The following EPC2 variants were observed in gnomAD, a reference collection of about 807,000 sequenced individuals.
The protein encoded by EPC2 is enhancer of polycomb 2, also known as enhancer of polycomb homolog 2.
EPC2 carries 14 observed loss-of-function variants against 92.1 expected under a neutral mutation model. The ratio of observed to expected loss-of-function variants is 0.15; its 90% CI spans 0.10 to 0.24. The LOEUF (loss-of-function observed/expected upper bound fraction) is 0.24. Among genes scored for constraint, EPC2 ranks in the 10% least tolerant of loss-of-function variants. EPC2 has a pLI of 1.00. For missense variants in EPC2, 755 were observed against 971.5 expected, an observed-to-expected ratio of 0.78 and a Z score of 2.96; for synonymous variants, 340 against 334.7, an observed-to-expected ratio of 1.02 and a Z score of -0.17.
At chr2:148,734,709 A>G (rs1024990753) in intron 2 of EPC2, among the ~76,000 whole-genome samples, 1 of 152,186 alleles carries the variant, frequency 6.6e-6, no homozygotes, top group Middle Eastern at 3.4e-3. Flanking sequence ...TTTTATAGCA[A>G]CTAATCTGTT....
chr2:148,690,444 T>A, intron 2 of EPC2, 71 bp downstream of exon 2: 1 of 1,384,522 alleles, frequency 7.2e-7, no homozygotes, highest in Non-Finnish European at 9.7e-7. Context: ...TTTTCTTTTG[T>A]CTAAAGAAAT....
At chr2:148,775,464 GATTA>G (rs1412488290) in intron 10 of EPC2, among the ~76,000 whole-genome samples, 7 of 152,056 alleles carry the variant, frequency 4.6e-5, no homozygotes, top group African/African-American at 1.7e-4. Flanking sequence ...TGAAAGGACA[GATTA>G]ATTTACATTT....
chr2:148,695,513 C>T (rs1193566374), intron 2 of EPC2, among the ~76,000 whole-genome samples: 1 of 152,146 alleles, frequency 6.6e-6, no homozygotes, highest in Non-Finnish European at 1.5e-5. Flanking sequence ...CTGTGTATAC[C>T]ACTAGGTTTT....
At chr2:148,679,408 T>C (rs1244066985) in intron 1 of EPC2, among the ~76,000 whole-genome samples, 1 of 152,218 alleles carries the variant, frequency 6.6e-6, no homozygotes, top group Non-Finnish European at 1.5e-5. Flanking sequence ...TATCCCAAGA[T>C]TGTGAGGACC....
chr2:148,714,371 A>T (rs912828021), intron 2 of EPC2, among the ~76,000 whole-genome samples: 1 of 152,092 alleles, frequency 6.6e-6, no homozygotes, highest in African/African-American at 2.4e-5. Flanking sequence ...GCTGCAGTGA[A>T]CATGCATTCA....
intron 7 of EPC2, among the ~76,000 whole-genome samples, chr2:148,767,416 C>T (rs1683431129): frequency 6.6e-6 from 1 of 151,986 alleles, no homozygotes; most frequent in Non-Finnish European, 1.5e-5. Context: ...CATTTTGAAA[C>T]TTTTAGGTTC....
chr2:148,712,719 C>CA (rs969581618), intron 2 of EPC2, among the ~76,000 whole-genome samples: 5 of 151,842 alleles, frequency 3.3e-5, no homozygotes, highest in Non-Finnish European at 7.4e-5. Flanking sequence ...TCCGTCTCTA[C>CA]AAAAAATGAA....
chr2:148,697,691 A>G (rs548722333), intron 2 of EPC2, among the ~76,000 whole-genome samples: 2 of 152,346 alleles, frequency 1.3e-5, no homozygotes, highest in South Asian at 4.2e-4. Flanking sequence ...CTGATCCTTA[A>G]GTGCTTCCAT....
chr2:148,652,989 C>T (rs1038434784), intron 1 of EPC2, among the ~76,000 whole-genome samples: 1 of 152,048 alleles, frequency 6.6e-6, no homozygotes, highest in African/African-American at 2.4e-5. Flanking sequence ...TCATTTTTCT[C>T]ACTTGAGTGT....
chr2:148,710,173 CA>C (rs1682106149), intron 2 of EPC2, among the ~76,000 whole-genome samples: 3 of 150,978 alleles, frequency 2.0e-5, no homozygotes, highest in Admixed American at 1.3e-4. Flanking sequence ...ACAACACCAT[CA>C]AAAAGTGGGC....
At chr2:148,688,282 CCAT>C (rs1202789344) in intron 1 of EPC2, among the ~76,000 whole-genome samples, 3 of 152,090 alleles carry the variant, frequency 2.0e-5, no homozygotes, top group Non-Finnish European at 2.9e-5. Flanking sequence ...AAGCTGGAAA[CCAT>C]CATTCTCAGC....
chr2:148,694,956 A>G (rs2105373852), intron 2 of EPC2, among the ~76,000 whole-genome samples: 1 of 152,314 alleles, frequency 6.6e-6, no homozygotes, highest in African/African-American at 2.4e-5. Flanking sequence ...TATTTTTAGT[A>G]GAGATAGGGT....
chr2:148,763,525 A>G (rs966358387), intron 6 of EPC2, among the ~76,000 whole-genome samples: 19 of 152,214 alleles, frequency 1.2e-4, no homozygotes, highest in African/African-American at 4.6e-4. Context: ...CTCTGTAGCA[A>G]AATTTTTTAA....
At chr2:148,775,690 A>ATAAAATTAAATTTAATTTAAT (rs1574637041) in intron 10 of EPC2, among the ~76,000 whole-genome samples, 2 of 147,988 alleles carry the variant, frequency 1.4e-5, no homozygotes, top group East Asian at 1.9e-4. Context: ...ATTTAATTAA[A>ATAAAATTAAATTTAATTTAAT]TAAAATTAAA....
chr2:148,716,625 GT>G (rs1296920397), intron 2 of EPC2, among the ~76,000 whole-genome samples: 1 of 152,174 alleles, frequency 6.6e-6, no homozygotes, highest in Admixed American at 6.5e-5. Context: ...GGTTTTTGAT[GT>G]GCTGCTAGAT....
intron 1 of EPC2, among the ~76,000 whole-genome samples, chr2:148,686,803 A>G (rs1681537028): frequency 6.6e-6 from 1 of 152,124 alleles, no homozygotes; most frequent in South Asian, 2.1e-4. Context: ...CTCAACAGTT[A>G]GCTTAGAATA....
chr2:148,761,647 A>C, intron 4 of EPC2, 135 bp from the exon 5 acceptor site: 5 of 528,868 alleles, frequency 9.5e-6, no homozygotes, highest in Non-Finnish European at 1.6e-5. Context: ...GTTATCTTAC[A>C]TAGGTTGCTG....
intron 10 of EPC2, among the ~76,000 whole-genome samples, chr2:148,775,204 T>C (rs182470786): frequency 4.6e-5 from 7 of 152,330 alleles, no homozygotes; most frequent in African/African-American, 1.7e-4. Context: ...GAAATTAATT[T>C]CATACATTAT....
intron 11 of EPC2, among the ~76,000 whole-genome samples, chr2:148,783,149 A>AT (rs1683788724): frequency 6.6e-6 from 1 of 152,192 alleles, no homozygotes; most frequent in Admixed American, 6.5e-5. Context: ...AGGAATGGCC[A>AT]TTTAACTTTA....
Sources: gnomAD v4.1 joint callset for allele counts (sites outside exome capture counted in the v4.1 genomes callset) on GRCh38, gnomAD v4.1.1 for gene constraint, MANE v1.5 for transcripts, NCBI Gene and HGNC (gene_info 2026-07-23, HGNC 2026-07-21) for gene names.